SLC30A3: variants seen among roughly 807,000 people sequenced by gnomAD.
SLC30A3 encodes probable proton-coupled zinc antiporter SLC30A3.
In SLC30A3, 20 loss-of-function variants were observed where a neutral mutation model predicts 35.6. The ratio of observed to expected loss-of-function variants is 0.56; its 90% confidence interval spans 0.39 to 0.82. The LOEUF (loss-of-function observed/expected upper bound fraction) is 0.82, where lower values mean the gene tolerates loss of function less well. Ranked by LOEUF, SLC30A3 falls within the 40% of genes least tolerant of loss-of-function variation. The pLI, the probability that SLC30A3 is intolerant of heterozygous loss-of-function variation, is 0.00. For missense variants in SLC30A3, 401 were observed against 530.6 expected (o/e 0.76, Z 2.40); for synonymous variants, 217 against 224.7 (o/e 0.97, Z 0.31).
intron 1 of SLC30A3, among the ~76,000 whole-genome samples, chr2:27,261,231 T>C (rs1323587783): frequency 1.3e-5 from 2 of 151,956 alleles, no homozygotes; most frequent in Non-Finnish European, 2.9e-5. Context: ...TAAAGGGAGA[T>C]ACACTGACTG....
chr2:27,275,785 C>G (rs1263272165), upstream of SLC30A3: 1 of 155,950 alleles, frequency 6.4e-6, no homozygotes, highest in African/African-American at 2.4e-5. Context: ...TGTCCCACCT[C>G]TGAGGGACAG....
Position 27,262,922 on chromosome 2 carries a change from A to C in SLC30A3, c.-16T>G. On this transcript the variant is annotated 5_prime_UTR_variant, in exon 1 of 8. Transcript: ENST00000233535. The surrounding 1 kb of genome is among the most constrained non-coding windows in gnomAD (Gnocchi z 7.5). ...AGGGCTCCATGTTCCCGGTGCCCCG[A>C]CCGTCTAGGCCCCACCGAGGAAGAG... 6.5e-7 allele frequency: 1 copy of C among 1,549,802 alleles called. No homozygotes were observed. Among genetic ancestry groups the C allele is most frequent in the Non-Finnish European group, 8.7e-7 (1 of 1,155,806 alleles).
At chr2:27,263,756 C>A (rs1257759463), upstream of SLC30A3, among the ~76,000 whole-genome samples, 1 of 147,466 alleles carries the variant, frequency 6.8e-6, no homozygotes, top group South Asian at 2.4e-4. Flanking sequence ...GACCCCCATC[C>A]TCTTTCCCTC....
upstream of SLC30A3, chr2:27,263,101 C>T (rs1236067392): frequency 5.9e-6 from 8 of 1,346,186 alleles, no homozygotes; most frequent in East Asian, 2.5e-4. Flanking sequence ...CCCCGCCCCG[C>T]GTGGGGCGAG....
intron 1 of SLC30A3, among the ~76,000 whole-genome samples, chr2:27,270,604 G>A (rs1677692824): frequency 6.6e-6 from 1 of 152,146 alleles, no homozygotes; most frequent in Non-Finnish European, 1.5e-5. Flanking sequence ...TGTGCCTCGT[G>A]CTTTATTCAA....
At chr2:27,272,724 C>A (rs1388927367) in intron 1 of SLC30A3, among the ~76,000 whole-genome samples, 1 of 151,466 alleles carries the variant, frequency 6.6e-6, no homozygotes, top group African/African-American at 2.4e-5. Context: ...CTGCGCCTGG[C>A]CAACAGCAGC....
intron 7 of SLC30A3, 144 bp downstream of exon 7, chr2:27,256,238 GTGTA>G: frequency 1.2e-6 from 1 of 859,464 alleles, no homozygotes; most frequent in African/African-American, 1.7e-5. Context: ...GTGTGTGTGT[GTGTA>G]TGTGTCTATG....
intron 1 of SLC30A3, among the ~76,000 whole-genome samples, chr2:27,260,905 G>C (rs977878856): frequency 2.0e-5 from 3 of 152,182 alleles, no homozygotes; most frequent in Non-Finnish European, 4.4e-5. Flanking sequence ...CATTCAATGA[G>C]GTGCACCAGG....
chr2:27,255,361 T>C lies in SLC30A3; in HGVS notation c.1118A>G (p.Gln373Arg), dbSNP rs766238251. The C allele has an allele frequency of 6.2e-7, 1 of 1,614,192 alleles. No homozygotes were observed. Among genetic ancestry groups the C allele is most frequent in the South Asian group, 1.1e-5 (1 of 91,084 alleles). Residue 373 changes from glutamine (Q) to arginine (R), a missense_variant, in exon 8 of 8, where the codon CAG (glutamine) becomes CGG (arginine). Physicochemically the swap from Gln to Arg is conservative, Grantham distance 43. This residue lies in a region of SLC30A3 where 296 missense variants were observed against 392.6 expected (regional missense o/e 0.75). Coordinates refer to ENST00000233535, the MANE Select transcript of SLC30A3 (RefSeq NM_003459.5). This position sits in a 1 kb window ranked among gnomAD's most constrained non-coding sequence, Gnocchi z 5.2. ...SSCTLQVEQY[Q>R]PEMAQCLRCQ... ...GCGCAGGCACTGGGCCATCTCCGGC[T>C]GATACTGCTCGACCTGCAGGGTGCA...
intron 1 of SLC30A3, chr2:27,261,905 C>G (rs1677205557): frequency 6.6e-6 from 1 of 152,430 alleles, no homozygotes. Context: ...GAGAAGCACA[C>G]AGAAGCACCA....
Position 27,256,834 on chromosome 2 carries a change from T to A in SLC30A3, c.837A>T (p.Gly279=). 1 of 1,605,798 alleles carries A rather than the reference T, an allele frequency of 6.2e-7. No homozygotes were observed. The highest frequency in any genetic ancestry group is 8.5e-7 in the Non-Finnish European group (1 of 1,178,148). The change falls in exon 6 of 8, where the codon GGA becomes GGT. Residue 279 remains glycine (G), a synonymous_variant. Transcript: ENST00000233535. Reference sequence around the variant, plus strand: ...CGTCTCGGAGGGTGGGAGCGGTGGATCCAAGGGCACAGATGGAGAAGAGGA... The same window carrying A: ...CGTCTCGGAGGGTGGGAGCGGTGGAACCAAGGGCACAGATGGAGAAGAGGA... ...STFLFSICAL[G]STAPTLRDVL... is the part of the protein sequence containing the mutation.
chr2:27,264,673 ATGAGGGG>A (rs199530095), upstream of SLC30A3, among the ~76,000 whole-genome samples: 1,833 of 152,124 alleles, frequency 0.012, 37 homozygotes, highest in African/African-American at 0.042. This position sits in a 1 kb window ranked among gnomAD's most constrained non-coding sequence, Gnocchi z 6.1. Flanking sequence ...TCCAAAGCCC[ATGAGGGG>A]TGAGGGGGTA....
At chr2:27,265,162 C>T (rs555770132), upstream of SLC30A3, among the ~76,000 whole-genome samples, 72 of 152,326 alleles carry the variant, frequency 4.7e-4, 1 homozygote, top group Admixed American at 3.3e-3. The surrounding 1 kb of genome is among the most constrained non-coding windows in gnomAD (Gnocchi z 5.9). Flanking sequence ...TTTCCCTTCC[C>T]GGGCAGCCCG....
In SLC30A3 at chr2:27,255,064, C is replaced by T. The variant is rs1182318517; in HGVS notation, c.*248G>A. On this transcript the variant is annotated 3_prime_UTR_variant, in exon 8 of 8. Coordinates refer to ENST00000233535, the MANE Select transcript of SLC30A3 (RefSeq NM_003459.5). The surrounding 1 kb of genome is among the most constrained non-coding windows in gnomAD (Gnocchi z 5.2). ...TTCAACACACCCTGCCACACTGAGG[C>T]CTGGGAGTCCCCGCCCCTGAACTAG... The T allele has an allele frequency of 2.8e-6, 4 of 1,447,098 alleles. No homozygotes were observed. The South Asian group carries it at 4.0e-5, about 15-fold the overall frequency. 89.6% of individuals were successfully genotyped at this position (1,447,098 alleles called of 1,614,324 possible).
At position 27,257,878 on chromosome 2, in the gene SLC30A3, A is replaced by G; in HGVS notation, c.578+27T>C. Reference sequence around the variant, plus strand: ...AAGACCCCTCGCCCTGGGCCCCACAAGGTGCCTGCTCCATACTGGGACGTA... The same window carrying G: ...AAGACCCCTCGCCCTGGGCCCCACAGGGTGCCTGCTCCATACTGGGACGTA... On this transcript the variant is annotated intron_variant, in intron 4 of 7. Transcript: ENST00000233535. This position sits in a 1 kb window ranked among gnomAD's most constrained non-coding sequence, Gnocchi z 4.7. 1 of 1,600,268 alleles carries G rather than the reference A, an allele frequency of 6.2e-7. No individual in the cohort carries two copies. The highest frequency in any genetic ancestry group is 8.5e-7 in the Non-Finnish European group (1 of 1,171,480).
At position 27,257,045 on chromosome 2, in the gene SLC30A3, G is replaced by A. The variant is rs1166033372; in HGVS notation, c.777+109C>T. ...CATGTCTGGGAGAGTCCTGGGAGGT[G>A]GGAGGGAGGAGCTGGAGGGAGGAGG... On this transcript the variant is annotated intron_variant, in intron 5 of 7. Transcript: ENST00000233535. The surrounding 1 kb of genome is among the most constrained non-coding windows in gnomAD (Gnocchi z 4.7). 5 of 1,227,276 alleles carry A rather than the reference G, an allele frequency of 4.1e-6. No homozygotes were observed. In the Admixed American group the frequency reaches 9.1e-5, roughly 22 times the overall value. The allele number at this position is 1,227,276 out of a possible 1,614,324, so 76.0% of individuals were successfully genotyped here.
chr2:27,268,838 G>A (rs912623119), intron 1 of SLC30A3, among the ~76,000 whole-genome samples: 11 of 152,176 alleles, frequency 7.2e-5, no homozygotes, highest in Admixed American at 7.2e-4. Context: ...TTTGCATCCT[G>A]TGTGATGCTG....
chr2:27,260,049 G>A (rs1677100646), intron 1 of SLC30A3, among the ~76,000 whole-genome samples: 1 of 152,176 alleles, frequency 6.6e-6, no homozygotes, highest in Admixed American at 6.5e-5. Flanking sequence ...GCAGTATGAA[G>A]GGAAGGTGGA....
chr2:27,256,753 G>A, intron 6 of SLC30A3, 35 bp downstream of exon 6: 1 of 1,472,360 alleles, frequency 6.8e-7, no homozygotes, highest in Non-Finnish European at 9.4e-7. Context: ...GTCAGAGAGG[G>A]CCACAGGGAT....
Sources: gnomAD v4.1 joint callset for allele counts (sites outside exome capture counted in the v4.1 genomes callset) on GRCh38, gnomAD v4.1.1 for gene constraint, gnomAD v4.1.1 regional missense constraint, Gnocchi (gnomAD v3.1) non-coding constraint, MANE v1.5 for transcripts, NCBI Gene and HGNC (gene_info 2026-07-23, HGNC 2026-07-21) for gene names.